The following VKORC1L1 variants were observed in gnomAD, a reference collection of about 807,000 sequenced individuals.
The protein encoded by VKORC1L1 is vitamin K epoxide reductase complex subunit 1-like protein 1.
In VKORC1L1, 2 loss-of-function variants were observed where a neutral mutation model predicts 18.9. The observed-to-expected ratio is 0.11, with a 90% CI of 0.04 to 0.33. The LOEUF is 0.33. Ranked by LOEUF, VKORC1L1 falls within the 10% of genes least tolerant of loss-of-function variation. VKORC1L1 has a pLI of 1.00. For missense variants in VKORC1L1, 123 were observed against 224.1 expected (o/e 0.55, Z 2.88); for synonymous variants, 96 against 100.0 (o/e 0.96, Z 0.24).
intron 2 of VKORC1L1, among the ~76,000 whole-genome samples, chr7:65,952,337 A>C (rs538436453): frequency 6.6e-6 from 1 of 152,348 alleles, no homozygotes; most frequent in South Asian, 2.1e-4. Context: ...TTACGTAATG[A>C]ATGACATTAC....
chr7:65,907,641 ATAC>A (rs1789427959), intron 1 of VKORC1L1, among the ~76,000 whole-genome samples: 2 of 152,172 alleles, frequency 1.3e-5, no homozygotes, highest in Non-Finnish European at 2.9e-5. Flanking sequence ...ACCACTGTGA[ATAC>A]TACTGTTTTG....
chr7:65,942,601 A>G (rs974066352), intron 1 of VKORC1L1, among the ~76,000 whole-genome samples: 4 of 151,348 alleles, frequency 2.6e-5, no homozygotes, highest in African/African-American at 9.7e-5. Flanking sequence ...GCAGTGGCGC[A>G]ATCTCGGCTT....
At chr7:65,874,384 T>G (rs1449979949) in intron 1 of VKORC1L1, among the ~76,000 whole-genome samples, 1 of 151,836 alleles carries the variant, frequency 6.6e-6, no homozygotes, top group East Asian at 2.0e-4. Flanking sequence ...CCTATTAGCA[T>G]ATTCGAGACC....
intron 2 of VKORC1L1, among the ~76,000 whole-genome samples, chr7:65,949,183 T>C (rs1237250385): frequency 6.6e-6 from 1 of 152,140 alleles, no homozygotes; most frequent in Non-Finnish European, 1.5e-5. Flanking sequence ...CTTCTGCTTT[T>C]AAAAATAATT....
chr7:65,899,817 T>C lies in VKORC1L1; in HGVS notation c.194+26252T>C, dbSNP rs181869699. On this transcript the variant is annotated intron_variant, in intron 1 of 2. Transcript: ENST00000360768. ...GAGTTTGAGACCAGCCTGACCAACATGGAGAAACCCCGTCTCTACTAAAAA... is the reference window on the plus strand; with the variant it reads ...GAGTTTGAGACCAGCCTGACCAACACGGAGAAACCCCGTCTCTACTAAAAA... Among the ~76,000 whole-genome samples the C allele has an allele frequency of 3.3e-5, 5 of 151,586 alleles. No individual in the cohort carries two copies. In the East Asian group the frequency reaches 9.9e-4, roughly 30 times the overall value.
rs1338818792 is a variant in VKORC1L1 at position 65,958,412 on chromosome 7, T to C, written c.*4112T>C. The C allele has an allele frequency of 6.6e-6, 1 of 152,232 alleles. No individual in the cohort carries two copies. The highest frequency in any genetic ancestry group is 1.5e-5 in the Non-Finnish European group (1 of 68,032). 9.4% of individuals were successfully genotyped at this position (152,232 alleles called of 1,614,324 possible). On this transcript the variant is annotated 3_prime_UTR_variant, in exon 3 of 3. Transcript: ENST00000360768. ...GGGCAGGTTTCCCCTTTAATCTAGATAGAAATACTCTTTATCAGAGATTTA... is the reference window on the plus strand; with the variant it reads ...GGGCAGGTTTCCCCTTTAATCTAGACAGAAATACTCTTTATCAGAGATTTA...
At chr7:65,872,828 T>C (rs1788742743), upstream of VKORC1L1, among the ~76,000 whole-genome samples, 1 of 152,006 alleles carries the variant, frequency 6.6e-6, no homozygotes, top group Admixed American at 6.5e-5. Context: ...AGGATGGCAA[T>C]TGATTGCCAT....
rs759553919 is a variant in VKORC1L1 at position 65,955,810 on chromosome 7, T to C, written c.*1510T>C. 2.0e-5 allele frequency: 3 copies of C among 152,340 alleles called. No individual in the cohort carries two copies. The highest frequency in any genetic ancestry group is 3.4e-3 in the Middle Eastern group (1 of 294). 9.4% of individuals were successfully genotyped at this position (152,340 alleles called of 1,614,324 possible). The stretch of plus-strand genomic sequence containing the variant: ...GCTTCCAACCTGATTAATCATTTTA[T>C]GTTGAAAATAGTCAATGAGACCAGT... On this transcript the variant is annotated 3_prime_UTR_variant, in exon 3 of 3. Transcript: ENST00000360768.
At chr7:65,901,390 AC>A (rs1478216973) in intron 1 of VKORC1L1, among the ~76,000 whole-genome samples, 1 of 152,142 alleles carries the variant, frequency 6.6e-6, no homozygotes, top group African/African-American at 2.4e-5. Context: ...AAATTGAGAA[AC>A]TGTTACTTGA....
upstream of VKORC1L1, among the ~76,000 whole-genome samples, chr7:65,868,185 A>G (rs140985279): frequency 9.6e-3 from 1,460 of 151,848 alleles, 28 homozygotes; most frequent in African/African-American, 0.033. Context: ...GTCAGGTGAG[A>G]TGGCTCGCAC....
Position 65,873,092 on chromosome 7 carries a change from C to G in VKORC1L1, c.-280C>G, listed in dbSNP as rs1441804906. On this transcript the variant is annotated 5_prime_UTR_variant, in exon 1 of 3. Transcript: ENST00000360768. ...CCGCCTCAGTCTCCGCCCGCCGATC[C>G]GGCCTCTTCGGCCGTTGCGCACTCC... Among the ~76,000 whole-genome samples the G allele has an allele frequency of 1.3e-5, 2 of 149,446 alleles. No individual in the cohort carries two copies. Among genetic ancestry groups the G allele is most frequent in the Non-Finnish European group, 3.0e-5 (2 of 66,844 alleles).
intron 1 of VKORC1L1, among the ~76,000 whole-genome samples, chr7:65,882,115 C>T (rs539736580): frequency 6.6e-6 from 1 of 151,414 alleles, no homozygotes; most frequent in African/African-American, 2.4e-5. Flanking sequence ...TGTAGTGGCT[C>T]ACGCCTGTAA....
chr7:65,911,410 T>C (rs566299179), intron 1 of VKORC1L1, among the ~76,000 whole-genome samples: 4 of 152,300 alleles, frequency 2.6e-5, no homozygotes, highest in African/African-American at 9.6e-5. Context: ...AAAATAGGCA[T>C]AGCATTTCCC....
At chr7:65,868,357 G>A (rs951400738), upstream of VKORC1L1, among the ~76,000 whole-genome samples, 6 of 152,052 alleles carry the variant, frequency 3.9e-5, no homozygotes, top group Non-Finnish European at 5.9e-5. Flanking sequence ...AAAAAGGAAC[G>A]CTTATACACC....
intron 1 of VKORC1L1, among the ~76,000 whole-genome samples, chr7:65,899,565 G>C (rs1397116675): frequency 6.6e-6 from 1 of 152,192 alleles, no homozygotes; most frequent in African/African-American, 2.4e-5. Flanking sequence ...AAGCTTATGG[G>C]AGGACTGAGT....
chr7:65,888,750 A>C (rs1401650389), intron 1 of VKORC1L1, among the ~76,000 whole-genome samples: 4 of 152,162 alleles, frequency 2.6e-5, no homozygotes, highest in Non-Finnish European at 5.9e-5. Context: ...TGCCCAGTAC[A>C]CTCAGACCCA....
intron 1 of VKORC1L1, among the ~76,000 whole-genome samples, chr7:65,877,222 A>C (rs1322880433): frequency 6.6e-6 from 1 of 152,224 alleles, no homozygotes; most frequent in African/African-American, 2.4e-5. Flanking sequence ...TTTCTTGTAC[A>C]TACTTGTTTA....
intron 1 of VKORC1L1, among the ~76,000 whole-genome samples, chr7:65,935,511 T>C (rs955887157): frequency 6.6e-6 from 1 of 152,124 alleles, no homozygotes; most frequent in African/African-American, 2.4e-5. Flanking sequence ...GTTTTCACCA[T>C]GTTGGCCAGG....
At chr7:65,883,726 C>T (rs1328693416) in intron 1 of VKORC1L1, among the ~76,000 whole-genome samples, 1 of 151,894 alleles carries the variant, frequency 6.6e-6, no homozygotes, top group African/African-American at 2.4e-5. Flanking sequence ...TCTCGACCTC[C>T]TGACCTCGTA....
Sources: gnomAD v4.1 joint callset for allele counts (sites outside exome capture counted in the v4.1 genomes callset) on GRCh38, gnomAD v4.1.1 for gene constraint, MANE v1.5 for transcripts, NCBI Gene and HGNC (gene_info 2026-07-23, HGNC 2026-07-21) for gene names.